The following ARHGEF28 variants were observed in gnomAD, a reference collection of about 807,000 sequenced individuals.
ARHGEF28 encodes 190 kDa guanine nucleotide exchange factor.
In ARHGEF28, 152 loss-of-function variants were observed where a neutral mutation model predicts 206.6. The observed-to-expected ratio is 0.74, with a 90% CI of 0.64 to 0.84. ARHGEF28 has a LOEUF of 0.84. Ranked by LOEUF, ARHGEF28 falls within the 40% of genes least tolerant of loss-of-function variation. The probability of loss-of-function intolerance (pLI) is 0.00; values close to 1 mark genes in which losing one functional copy is unlikely to be tolerated. For missense variants in ARHGEF28, 2,028 were observed against 2,073.2 expected, an observed-to-expected ratio of 0.98 and a Z score of 0.42; for synonymous variants, 763 against 776.4, an observed-to-expected ratio of 0.98 and a Z score of 0.29.
rs60944843 is a variant in ARHGEF28 at position 73,634,099 on chromosome 5, A to T, written c.-12+7777A>T. Among the ~76,000 whole-genome samples, 165 of 152,124 alleles carry T rather than the reference A, an allele frequency of 1.1e-3. 5 individuals carry two copies. The South Asian group carries it at 0.034, about 31-fold the overall frequency. The stretch of plus-strand genomic sequence containing the variant: ...CTTTTAGAGTGTTTATACATTTTTC[A>T]TATTCACTACCCCTTTTAGTCTCAA... On this transcript the variant is annotated intron_variant, in intron 1 of 35. Coordinates refer to ENST00000513042, the MANE Select transcript of ARHGEF28 (RefSeq NM_001177693.2).
intron 2 of ARHGEF28, among the ~76,000 whole-genome samples, chr5:73,691,296 T>TAC (rs57854737): frequency 0.63 from 93,593 of 149,620 alleles, 29,263 homozygotes; most frequent in Admixed American, 0.73. Flanking sequence ...GGCAAATGTG[T>TAC]ACACACACAC....
At chr5:73,761,019 C>A (rs1411641784) in intron 4 of ARHGEF28, among the ~76,000 whole-genome samples, 1 of 152,148 alleles carries the variant, frequency 6.6e-6, no homozygotes, top group Non-Finnish European at 1.5e-5. Flanking sequence ...ACTCTCTCTC[C>A]CTCAATTATA....
At chr5:73,843,362 G>A (rs2112581130) in intron 11 of ARHGEF28, among the ~76,000 whole-genome samples, 1 of 152,276 alleles carries the variant, frequency 6.6e-6, no homozygotes, top group East Asian at 1.9e-4. Flanking sequence ...CTGGTTCCAC[G>A]AGCTGACTTC....
At chr5:73,668,985 G>A (rs996811119) in intron 1 of ARHGEF28, among the ~76,000 whole-genome samples, 1 of 151,506 alleles carries the variant, frequency 6.6e-6, no homozygotes, top group Non-Finnish European at 1.5e-5. Flanking sequence ...TTTTTCTCTC[G>A]ATTCTCACAA....
chr5:73,873,025 A>T lies in ARHGEF28; in HGVS notation c.2593A>T (p.Ile865Phe). 6.2e-7 allele frequency: 1 copy of T among 1,613,794 alleles called. No individual in the cohort carries two copies. The highest frequency in any genetic ancestry group is 8.5e-7 in the Non-Finnish European group (1 of 1,179,776). The change falls in exon 22 of 36, where the codon ATC (isoleucine) becomes TTC (phenylalanine). Residue 865 changes from isoleucine (I) to phenylalanine (F), a missense_variant. Physicochemically the swap from Ile to Phe is conservative, Grantham distance 21 (BLOSUM62 0). Around this residue, in one of 3 missense-constraint regions of ARHGEF28, gnomAD observed 223 missense variants for 289.9 expected, o/e 0.77. Transcript: ENST00000513042. ...GCTAATGCAAACAGAGATGCATCAC[A>T]TCCAGACCCTGTTCATCATGTCTGA... ...FELMQTEMHHIQTLFIMSEIF... is the reference protein window; with the variant it reads ...FELMQTEMHHFQTLFIMSEIF...
At chr5:73,628,638 T>C (rs940935802) in intron 1 of ARHGEF28, among the ~76,000 whole-genome samples, 1 of 152,240 alleles carries the variant, frequency 6.6e-6, no homozygotes, top group Non-Finnish European at 1.5e-5. Context: ...TAAGATTTGT[T>C]ATGAAGAGGT....
In ARHGEF28 at chr5:73,911,462, T is replaced by C. The variant is rs368848188; in HGVS notation, c.4835T>C (p.Leu1612Pro). The change falls in exon 35 of 36, where the codon CTC becomes CCC. Residue 1612 changes from leucine to proline, a missense_variant. Physicochemically the swap from Leu to Pro is moderately conservative, Grantham distance 98. Transcript: ENST00000513042. ...AGGACTAGTGAACATCAAGTAGACC[T>C]CAAGGTGGACCCTTCTCAGCCTTCG... ...LVRTSEHQVD[L>P]KVDPSQPSNV... is the part of the protein sequence containing the mutation. 21 of 1,613,892 alleles carry C rather than the reference T, an allele frequency of 1.3e-5. No homozygotes were observed. Among genetic ancestry groups the C allele is most frequent in the Non-Finnish European group, 1.7e-5 (20 of 1,179,906 alleles).
chr5:73,765,109 T>C (rs961795206), intron 4 of ARHGEF28, among the ~76,000 whole-genome samples: 1 of 152,228 alleles, frequency 6.6e-6, no homozygotes, highest in Non-Finnish European at 1.5e-5. Flanking sequence ...TTTGTTTTCT[T>C]GTAGTCCAGA....
chr5:73,831,613 C>T (rs1757304449), intron 9 of ARHGEF28, among the ~76,000 whole-genome samples: 1 of 152,170 alleles, frequency 6.6e-6, no homozygotes, highest in Admixed American at 6.5e-5. Flanking sequence ...AACTGAGGAT[C>T]ACAGTACAGT....
chr5:73,662,480 GA>G (rs1416500866), intron 1 of ARHGEF28, among the ~76,000 whole-genome samples: 4 of 152,280 alleles, frequency 2.6e-5, no homozygotes, highest in African/African-American at 9.6e-5. Context: ...CCTGGAAAGA[GA>G]AAACCTTATT....
chr5:73,708,486 A>G (rs938334621), intron 2 of ARHGEF28, among the ~76,000 whole-genome samples: 14 of 152,192 alleles, frequency 9.2e-5, no homozygotes, highest in African/African-American at 3.4e-4. Context: ...TAATTTGCTT[A>G]GGATAATGAC....
chr5:73,918,261 T>C (rs770161891), intron 35 of ARHGEF28, among the ~76,000 whole-genome samples: 16 of 152,328 alleles, frequency 1.1e-4, no homozygotes, highest in Middle Eastern at 3.4e-3. Flanking sequence ...AACTCTGTCA[T>C]TGTAGCTTGC....
At chr5:73,769,934 A>G (rs961321795) in intron 4 of ARHGEF28, among the ~76,000 whole-genome samples, 17 of 152,332 alleles carry the variant, frequency 1.1e-4, no homozygotes, top group Non-Finnish European at 2.2e-4. Context: ...CCTATTATCA[A>G]TACGCCCCAC....
At chr5:73,868,722 T>C (rs2931419) in intron 20 of ARHGEF28, among the ~76,000 whole-genome samples, 77,118 of 151,920 alleles carry the variant, frequency 0.51, 19,963 homozygotes, top group African/African-American at 0.59. Context: ...TCTCGGCTCA[T>C]TGCAACCTCG....
chr5:73,653,367 G>A (rs775248327), intron 1 of ARHGEF28, among the ~76,000 whole-genome samples: 13 of 152,202 alleles, frequency 8.5e-5, no homozygotes, highest in African/African-American at 2.4e-4. Context: ...TCTGTATATC[G>A]AGTATATTGA....
chr5:73,634,171 A>C (rs1432676793), intron 1 of ARHGEF28, among the ~76,000 whole-genome samples: 1 of 152,186 alleles, frequency 6.6e-6, no homozygotes, highest in Non-Finnish European at 1.5e-5. Context: ...TGAGGAAACA[A>C]TAAAAGTGTT....
chr5:73,896,358 G>A (rs1308876667), intron 29 of ARHGEF28, among the ~76,000 whole-genome samples: 1 of 152,208 alleles, frequency 6.6e-6, no homozygotes, highest in Non-Finnish European at 1.5e-5. Context: ...GTCACCGTTA[G>A]ATGAGGTGGT....
At chr5:73,862,023 T>C (rs1316804461) in intron 16 of ARHGEF28, among the ~76,000 whole-genome samples, 1 of 152,162 alleles carries the variant, frequency 6.6e-6, no homozygotes, top group Non-Finnish European at 1.5e-5. Flanking sequence ...TTCCTAATCT[T>C]AAAAACAAGA....
intron 2 of ARHGEF28, 116 bp downstream of exon 2, chr5:73,685,000 A>G (rs1747363163): frequency 9.3e-7 from 1 of 1,076,992 alleles, no homozygotes; most frequent in Non-Finnish European, 1.3e-6. Context: ...TTTTAAAAAC[A>G]ACACACTGAG....
Sources: allele counts gnomAD v4.1 joint callset (sites outside exome capture counted in the v4.1 genomes callset), GRCh38; gene constraint gnomAD v4.1.1; regional missense constraint gnomAD v4.1.1; transcripts MANE v1.5; gene names NCBI Gene and HGNC (gene_info 2026-07-23, HGNC 2026-07-21).